The following NLRC4 variants were observed in gnomAD, a reference collection of about 807,000 sequenced individuals.
NLRC4 encodes the protein NLR family CARD domain containing 4.
NLRC4 carries 63 observed loss-of-function variants against 79.9 expected under a neutral mutation model. The ratio of observed to expected loss-of-function variants is 0.79; its 90% CI spans 0.64 to 0.97. The LOEUF is 0.97. Among genes scored for constraint, NLRC4 ranks in the 50% least tolerant of loss-of-function variants. NLRC4 has a pLI of 0.00. For synonymous variants in NLRC4, 461 were observed against 456.5 expected, an observed-to-expected ratio of 1.01 and a Z score of -0.12; for missense variants, 1,074 against 1,215.2, an observed-to-expected ratio of 0.88 and a Z score of 1.73.
chr2:32,247,253 T>C (rs1199422376), intron 4 of NLRC4, among the ~76,000 whole-genome samples: 3 of 151,810 alleles, frequency 2.0e-5, no homozygotes, highest in East Asian at 3.9e-4. Flanking sequence ...GAGATGGGGG[T>C]GCTCGCAGGA....
chr2:32,260,761 A>G (rs1323590588), intron 1 of NLRC4, among the ~76,000 whole-genome samples: 1 of 152,210 alleles, frequency 6.6e-6, no homozygotes, highest in African/African-American at 2.4e-5. Flanking sequence ...CCGGCCAGAT[A>G]GAGACCCCAT....
At chr2:32,255,546 T>G (rs1340514000) in intron 2 of NLRC4, among the ~76,000 whole-genome samples, 4 of 134,282 alleles carry the variant, frequency 3.0e-5, no homozygotes, top group Admixed American at 3.0e-4. Flanking sequence ...AAATAAGAAA[T>G]ACAGCCTCAG....
chr2:32,240,302 G>C (rs546490803), intron 5 of NLRC4, among the ~76,000 whole-genome samples: 1 of 151,600 alleles, frequency 6.6e-6, no homozygotes, highest in Non-Finnish European at 1.5e-5. Context: ...TTGGCTTATA[G>C]GCTAGAGTTG....
chr2:32,233,895 A>G (rs1461207114), intron 8 of NLRC4, among the ~76,000 whole-genome samples: 1 of 152,018 alleles, frequency 6.6e-6, no homozygotes, highest in Non-Finnish European at 1.5e-5. Flanking sequence ...GTCTCCAGCT[A>G]TTGTTGTATT....
Position 32,252,434 on chromosome 2 carries a change from C to T in NLRC4, c.247G>A (p.Asp83Asn). The T allele has an allele frequency of 6.2e-7, 1 of 1,609,728 alleles. No homozygotes were observed. The highest frequency in any genetic ancestry group is 8.5e-7 in the Non-Finnish European group (1 of 1,176,052). The change falls in exon 3 of 9, where the codon GAC becomes AAC. Residue 83 changes from aspartate (D) to asparagine (N), a missense_variant. Transcript: ENST00000402280. ...TGATACTTACTTTGTCCATTCAAGT[C>T]CTGAAATAGAGGATAGTTCCACTCC... is the stretch of plus-strand genomic sequence containing the variant. ...LKEWNYPLFQ[D>N]LNGQSLFHQT...
rs755848175 is a variant in NLRC4 at position 32,224,801 on chromosome 2, AATT to A, written c.2783-39_2783-37del. 3.4e-4 allele frequency: 395 copies of A among 1,162,424 alleles called. 1 individual carries two copies. In the African/African-American group the frequency reaches 7.0e-3, roughly 21 times the overall value. The allele number at this position is 1,162,424 out of a possible 1,614,324, so 72.0% of individuals were successfully genotyped here. A position where few individuals can be genotyped will look rare whatever the true frequency, so the allele number is the denominator to read the frequency against. ...AAATAAGTATATTAGTTGGAAGAAA[AATT>A]TTTTTTAAAAAAAAAGAGAAATAGG... On this transcript the variant is annotated intron_variant, in intron 8 of 8. Coordinates refer to ENST00000402280, the MANE Select transcript of NLRC4 (RefSeq NM_001199138.2).
chr2:32,248,253 C>T (rs1011590530), intron 4 of NLRC4, among the ~76,000 whole-genome samples: 11 of 152,094 alleles, frequency 7.2e-5, no homozygotes, highest in African/African-American at 2.7e-4. Flanking sequence ...ATCCTAAGCC[C>T]CCCACCAACT....
rs1029237814 is a variant in NLRC4, at chr2:32,232,968, A to G, written c.2782+2433T>C. 2.0e-4 allele frequency among the ~76,000 whole-genome samples: 30 copies of G among 152,052 alleles called. 1 individual carries two copies. The highest frequency in any genetic ancestry group is 6.8e-4 in the African/African-American group (28 of 41,384). ...GGAAGGTCGTTGAAGAGGAAGGTCC[A>G]TTAGCGGAGCATAGTGGCCTCTAGT... On this transcript the variant is annotated intron_variant, in intron 8 of 8. Transcript: ENST00000402280.
chr2:32,232,848 GC>G (rs1686570390), intron 8 of NLRC4, among the ~76,000 whole-genome samples: 1 of 152,096 alleles, frequency 6.6e-6, no homozygotes, highest in African/African-American at 2.4e-5. Context: ...TGGGATATCT[GC>G]ATTTATTATT....
chr2:32,261,316 C>CTTTTTTTTTTTT (rs751434892), intron 1 of NLRC4, among the ~76,000 whole-genome samples: 1,041 of 96,694 alleles, frequency 0.011, 255 homozygotes, highest in Non-Finnish European at 0.018. Context: ...AGCCTCCCCC[C>CTTTTTTTTTTTT]TTTTGTTTTT....
intron 4 of NLRC4, 82 bp downstream of exon 4, chr2:32,249,525 G>T: frequency 8.7e-7 from 1 of 1,148,186 alleles, no homozygotes. Flanking sequence ...AAGAAATAAA[G>T]TCTCCTCTCT....
At position 32,251,408 on chromosome 2, in the gene NLRC4, C is replaced by T. The variant is rs1365809564; in HGVS notation, c.456G>A (p.Leu152=). The change falls in exon 4 of 9, where the codon CTG becomes CTA. Residue 152 remains leucine (L), a synonymous_variant. Transcript: ENST00000402280. ...KDQHHHRVEQ[L]TLNGLLQALQ... ...GAGCCTGCAGGAGGCCATTCAGGGT[C>T]AGCTGCTCCACGCGGTGATGGTGTT... is the stretch of plus-strand genomic sequence containing the variant. 19 of 1,614,124 alleles carry T rather than the reference C, an allele frequency of 1.2e-5. No individual in the cohort carries two copies. Among genetic ancestry groups the T allele is most frequent in the Non-Finnish European group, 1.5e-5 (18 of 1,180,016 alleles).
chr2:32,263,608 G>T (rs1301245964), intron 1 of NLRC4, among the ~76,000 whole-genome samples: 1 of 152,138 alleles, frequency 6.6e-6, no homozygotes, highest in Non-Finnish European at 1.5e-5. Flanking sequence ...AGGCTGTTAT[G>T]AGAAGAGGAA....
At chr2:32,263,723 C>T (rs1403158308) in intron 1 of NLRC4, among the ~76,000 whole-genome samples, 1 of 152,194 alleles carries the variant, frequency 6.6e-6, no homozygotes, top group Non-Finnish European at 1.5e-5. Flanking sequence ...TGGTCTTGGA[C>T]TTGCAGCCTC....
At chr2:32,240,882 G>A (rs1248906009) in intron 5 of NLRC4, 151 bp downstream of exon 5, 2 of 574,598 alleles carry the variant, frequency 3.5e-6, no homozygotes, top group Non-Finnish European at 6.1e-6. Flanking sequence ...GATTTTAATG[G>A]CAGTAGGGAA....
At position 32,251,283 on chromosome 2, in the gene NLRC4, A is replaced by G; in HGVS notation, c.581T>C (p.Leu194Pro). 3.1e-6 allele frequency: 5 copies of G among 1,614,200 alleles called. No individual in the cohort carries two copies. The highest frequency in any genetic ancestry group is 4.2e-6 in the Non-Finnish European group (5 of 1,180,028). ...GAAGAAGACGAATTTGAACTTGGTC[A>G]GAGCCTTGCACTTTCCGGAGCCCCA... ...MLWGSGKCKA[L>P]TKFKFVFFLR... Residue 194 changes from leucine to proline, a missense_variant, in exon 4 of 9, where the codon CTG becomes CCG. Transcript: ENST00000402280.
Position 32,251,675 on chromosome 2 carries a change from A to G in NLRC4, c.263-74T>C, listed in dbSNP as rs983977665. On this transcript the variant is annotated intron_variant, in intron 3 of 8. Coordinates refer to ENST00000402280, the MANE Select transcript of NLRC4 (RefSeq NM_001199138.2). ...CAAAACCTAGAGTTCAGGAGGATGA[A>G]CGGGGGGGTGAGGCTGAGAATCTGC... The G allele has an allele frequency of 3.0e-6, 3 of 1,006,878 alleles. No homozygotes were observed. The African/African-American group carries it at 4.9e-5, about 16-fold the overall frequency. 62.4% of individuals were successfully genotyped at this position (1,006,878 alleles called of 1,614,324 possible). A position where few individuals can be genotyped will look rare whatever the true frequency, so the allele number is the denominator to read the frequency against.
intron 8 of NLRC4, among the ~76,000 whole-genome samples, chr2:32,233,554 G>A (rs1028123270): frequency 6.6e-6 from 1 of 151,470 alleles, no homozygotes. Flanking sequence ...TCATTCCAGA[G>A]CATGTTGTTT....
At position 32,258,874 on chromosome 2, in the gene NLRC4, G is replaced by A. The variant is rs188664654; in HGVS notation, c.-118-1981C>T. ...AAACCAAGTTAGATGATCTACCCCGGCTCCTCATACACACATACACGACCC... is the reference window on the plus strand; with the variant it reads ...AAACCAAGTTAGATGATCTACCCCGACTCCTCATACACACATACACGACCC... On this transcript the variant is annotated intron_variant, in intron 1 of 8. Coordinates refer to ENST00000402280, the MANE Select transcript of NLRC4 (RefSeq NM_001199138.2). 1.8e-4 allele frequency among the ~76,000 whole-genome samples: 28 copies of A among 152,150 alleles called. No individual in the cohort carries two copies. In the East Asian group the frequency reaches 5.0e-3, roughly 27 times the overall value.
Sources: allele counts gnomAD v4.1 joint callset (sites outside exome capture counted in the v4.1 genomes callset), GRCh38; gene constraint gnomAD v4.1.1; transcripts MANE v1.5; gene names NCBI Gene and HGNC (gene_info 2026-07-23, HGNC 2026-07-21).